The following ADARB2 variants were observed in gnomAD, a reference collection of about 807,000 sequenced individuals.
ADARB2 encodes adenosine deaminase RNA specific B2 (inactive).
Under a neutral mutation model 62.2 loss-of-function variants are expected in ADARB2, and 25 were observed. The ratio of observed to expected loss-of-function variants is 0.40; its 90% CI spans 0.29 to 0.56. The LOEUF (loss-of-function observed/expected upper bound fraction) is 0.56, where lower values mean the gene tolerates loss of function less well. Ranked by LOEUF, ADARB2 falls within the 20% of genes least tolerant of loss-of-function variation. The pLI is 0.43. For synonymous variants in ADARB2, 572 were observed against 500.8 expected (o/e 1.14, Z -1.90); for missense variants, 1,071 against 1,077.4 (o/e 0.99, Z 0.08).
chr10:1,375,460 G>A (rs1228904302), intron 2 of ADARB2, among the ~76,000 whole-genome samples: 1 of 152,196 alleles, frequency 6.6e-6, no homozygotes, highest in Non-Finnish European at 1.5e-5. Context: ...CTGTGAGCCT[G>A]TTCCCCGCTC....
intron 1 of ADARB2, among the ~76,000 whole-genome samples, chr10:1,656,678 G>A (rs933582076): frequency 1.3e-5 from 2 of 152,146 alleles, no homozygotes; most frequent in Non-Finnish European, 2.9e-5. Flanking sequence ...ACTCTCACGC[G>A]TCTTCATGTG....
At chr10:1,698,437 T>A (rs1409065727) in intron 1 of ADARB2, among the ~76,000 whole-genome samples, 1 of 152,178 alleles carries the variant, frequency 6.6e-6, no homozygotes, top group Admixed American at 6.5e-5. Flanking sequence ...GGGAGAGACA[T>A]ACGCTTCCTC....
chr10:1,730,002 T>C (rs1202581906), intron 1 of ADARB2, among the ~76,000 whole-genome samples: 1 of 152,234 alleles, frequency 6.6e-6, no homozygotes, highest in East Asian at 1.9e-4. Context: ...AAGCACATCC[T>C]GGTTAAGGGG....
chr10:1,318,099 T>C (rs1171279663), intron 3 of ADARB2, among the ~76,000 whole-genome samples: 1 of 152,218 alleles, frequency 6.6e-6, no homozygotes, highest in African/African-American at 2.4e-5. Flanking sequence ...CAATTTAAGA[T>C]GGTGAAGAAT....
intron 1 of ADARB2, among the ~76,000 whole-genome samples, chr10:1,727,440 C>G (rs1835180569): frequency 6.6e-6 from 1 of 152,134 alleles, no homozygotes; most frequent in Non-Finnish European, 1.5e-5. Flanking sequence ...CACAGCCTCC[C>G]CCGAAAATGT....
At chr10:1,574,097 T>C (rs1326831601) in intron 1 of ADARB2, among the ~76,000 whole-genome samples, 1 of 152,230 alleles carries the variant, frequency 6.6e-6, no homozygotes, top group African/African-American at 2.4e-5. Flanking sequence ...CAGGGAATCC[T>C]GAGGCTGCAA....
chr10:1,628,158 G>T (rs1833795266), intron 1 of ADARB2, among the ~76,000 whole-genome samples: 1 of 152,250 alleles, frequency 6.6e-6, no homozygotes, highest in Admixed American at 6.5e-5. Flanking sequence ...CAAACGGGCG[G>T]CGATGCATTG....
intron 1 of ADARB2, among the ~76,000 whole-genome samples, chr10:1,489,103 T>A (rs1385353979): frequency 6.6e-6 from 1 of 152,244 alleles, no homozygotes; most frequent in African/African-American, 2.4e-5. Flanking sequence ...CTGTGTGAAG[T>A]ATTGCAGCCA....
intron 1 of ADARB2, among the ~76,000 whole-genome samples, chr10:1,405,950 C>A (rs1832704584): frequency 6.6e-6 from 1 of 151,978 alleles, no homozygotes. Context: ...CCAAGATACA[C>A]CTGTTTATTA....
chr10:1,199,803 C>T (rs140441975), intron 8 of ADARB2, 163 bp downstream of exon 8: 1 of 743,386 alleles, frequency 1.3e-6, no homozygotes. Flanking sequence ...ATGCTGAAAC[C>T]TTTCATTTTT....
chr10:1,638,763 T>C (rs768573138), intron 1 of ADARB2, among the ~76,000 whole-genome samples: 1 of 152,190 alleles, frequency 6.6e-6, no homozygotes, highest in Non-Finnish European at 1.5e-5. Flanking sequence ...GTCCTCTCCA[T>C]GTCTGCGAGA....
intron 1 of ADARB2, among the ~76,000 whole-genome samples, chr10:1,660,806 G>T (rs1834236940): frequency 6.6e-6 from 1 of 152,162 alleles, no homozygotes; most frequent in Non-Finnish European, 1.5e-5. Flanking sequence ...TCCACTGCAT[G>T]TTTAACCACA....
chr10:1,653,664 G>A (rs1834142603), intron 1 of ADARB2, among the ~76,000 whole-genome samples: 1 of 151,464 alleles, frequency 6.6e-6, no homozygotes, highest in African/African-American at 2.4e-5. Flanking sequence ...TGCCTGCAGA[G>A]CCGCAGGGTC....
chr10:1,554,062 A>C (rs1314215285), intron 1 of ADARB2, among the ~76,000 whole-genome samples: 1 of 152,158 alleles, frequency 6.6e-6, no homozygotes, highest in Non-Finnish European at 1.5e-5. Context: ...CCCACAGCCC[A>C]GGGCAGAGAC....
At chr10:1,558,662 A>C (rs2676740) in intron 1 of ADARB2, among the ~76,000 whole-genome samples, 12,678 of 16,560 alleles carry the variant, frequency 0.77, 4,606 homozygotes, top group Non-Finnish European at 0.82. Context: ...GGTGCTCAGC[A>C]CCCCCATGCC....
At chr10:1,474,735 C>G (rs1028736134) in intron 1 of ADARB2, among the ~76,000 whole-genome samples, 1 of 152,080 alleles carries the variant, frequency 6.6e-6, no homozygotes, top group African/African-American at 2.4e-5. Flanking sequence ...CCCCAGGCAG[C>G]GGGTGGGTCG....
At chr10:1,482,154 G>A (rs148129214) in intron 1 of ADARB2, among the ~76,000 whole-genome samples, 11 of 152,318 alleles carry the variant, frequency 7.2e-5, no homozygotes, top group Admixed American at 2.0e-4. Flanking sequence ...TGAATATAAC[G>A]TGGTGCAGCC....
At chr10:1,402,459 A>G (rs1282806333) in intron 1 of ADARB2, among the ~76,000 whole-genome samples, 1 of 152,196 alleles carries the variant, frequency 6.6e-6, no homozygotes, top group Admixed American at 6.5e-5. Flanking sequence ...CGTGGTTAGC[A>G]TAAAGGAAGC....
intron 1 of ADARB2, among the ~76,000 whole-genome samples, chr10:1,705,093 A>G (rs2119145168): frequency 6.6e-6 from 1 of 152,374 alleles, no homozygotes; most frequent in South Asian, 2.1e-4. Flanking sequence ...ATGTAGGTTG[A>G]TTTTTAAAAT....
Sources: allele counts gnomAD v4.1 joint callset (sites outside exome capture counted in the v4.1 genomes callset), GRCh38; gene constraint gnomAD v4.1.1; transcripts MANE v1.5; gene names NCBI Gene and HGNC (gene_info 2026-07-23, HGNC 2026-07-21).